Variants in EXT1 observed in about 807,000 individuals in gnomAD.
EXT1 encodes exostosin glycosyltransferase 1, also known as exostosin-1.
In EXT1, 20 loss-of-function variants were observed where a neutral mutation model predicts 82.5. That is an observed-to-expected ratio of 0.24 (90% confidence interval 0.17 to 0.35). EXT1 has a LOEUF of 0.35. EXT1 is among the 10% of genes least tolerant of loss of function. EXT1 has a pLI of 1.00. For synonymous variants in EXT1, 348 were observed against 350.8 expected, an observed-to-expected ratio of 0.99 and a Z score of 0.09; for missense variants, 757 against 936.5, an observed-to-expected ratio of 0.81 and a Z score of 2.50.
In EXT1 at chr8:117,955,746, A is replaced by G. The variant is rs112201466; in HGVS notation, c.963-118545T>C. On this transcript the variant is annotated intron_variant, in intron 1 of 10. Transcript: ENST00000378204. ...AATCTTCGTATTTTTAGTTGAGAGG[A>G]GGTTTTCACCATGTTGGCCAGGCTG... Among the ~76,000 whole-genome samples, 1,164 of 152,184 alleles carry G rather than the reference A, an allele frequency of 7.6e-3. 20 individuals are homozygous for G. The highest frequency in any genetic ancestry group is 0.027 in the African/African-American group (1,113 of 41,496).
chr8:118,036,747 T>C (rs764885061), intron 1 of EXT1, among the ~76,000 whole-genome samples: 11 of 152,164 alleles, frequency 7.2e-5, no homozygotes, highest in Non-Finnish European at 1.0e-4. Context: ...AGGCCCTTCA[T>C]TGTGTGTCTC....
chr8:118,063,311 G>A (rs911764419), intron 1 of EXT1, among the ~76,000 whole-genome samples: 5 of 152,182 alleles, frequency 3.3e-5, no homozygotes, highest in South Asian at 4.1e-4. Flanking sequence ...TCACAAACCC[G>A]TATTTTCCAT....
At chr8:118,034,897 G>T (rs111423356) in intron 1 of EXT1, among the ~76,000 whole-genome samples, 30 of 152,164 alleles carry the variant, frequency 2.0e-4, no homozygotes, top group African/African-American at 5.1e-4. Flanking sequence ...CAGAGATTCA[G>T]TTACCACCAG....
At chr8:118,015,300 G>A (rs1229915287) in intron 1 of EXT1, among the ~76,000 whole-genome samples, 1 of 152,224 alleles carries the variant, frequency 6.6e-6, no homozygotes, top group African/African-American at 2.4e-5. Context: ...AAACTCGAGA[G>A]AGGGGGTAAT....
At chr8:118,097,371 TGGGAGGTAG>T (rs942457144) in intron 1 of EXT1, among the ~76,000 whole-genome samples, 17 of 152,096 alleles carry the variant, frequency 1.1e-4, no homozygotes, top group African/African-American at 4.1e-4. Context: ...TGCTTGAACC[TGGGAGGTAG>T]GGGTTGCAGT....
intron 1 of EXT1, among the ~76,000 whole-genome samples, chr8:118,042,252 G>C (rs550283777): frequency 5.1e-4 from 77 of 152,044 alleles, no homozygotes; most frequent in Admixed American, 3.3e-4. Flanking sequence ...TCAATCAGAG[G>C]GCTTATAAGT....
rs556732321 is a variant in EXT1 at position 117,910,024 on chromosome 8, T to A, written c.963-72823A>T. Reference sequence around the variant, plus strand: ...TTCAAGTGGTCCACCCGTGCCGGCCTCCCAAAGCGTTGGGATTACAGGCAT... The same window carrying A: ...TTCAAGTGGTCCACCCGTGCCGGCCACCCAAAGCGTTGGGATTACAGGCAT... On this transcript the variant is annotated intron_variant, in intron 1 of 10. Coordinates refer to ENST00000378204, the MANE Select transcript of EXT1 (RefSeq NM_000127.3). 2.0e-5 allele frequency among the ~76,000 whole-genome samples: 3 copies of A among 152,310 alleles called. No individual in the cohort carries two copies. In the East Asian group the frequency reaches 5.8e-4, roughly 29 times the overall value.
intron 1 of EXT1, among the ~76,000 whole-genome samples, chr8:118,091,797 ATATG>A (rs199642224): frequency 2.3e-4 from 27 of 117,248 alleles, no homozygotes; most frequent in Non-Finnish European, 4.7e-4. Flanking sequence ...CTCTATATAT[ATATG>A]TATCTTCTAA....
chr8:117,855,332 C>T (rs1812522917), intron 1 of EXT1, among the ~76,000 whole-genome samples: 1 of 152,168 alleles, frequency 6.6e-6, no homozygotes, highest in Non-Finnish European at 1.5e-5. Flanking sequence ...CACCATTTTT[C>T]CAACAACGTG....
intron 1 of EXT1, among the ~76,000 whole-genome samples, chr8:118,080,423 CTT>C (rs796953908): frequency 2.1e-5 from 3 of 145,880 alleles, no homozygotes. Context: ...AAATAACTGC[CTT>C]TTTTTTTTTA....
intron 1 of EXT1, among the ~76,000 whole-genome samples, chr8:118,037,841 T>TG (rs1295680409): frequency 6.8e-6 from 1 of 146,262 alleles, no homozygotes; most frequent in African/African-American, 2.6e-5. Context: ...TTTTTGTTTT[T>TG]TTTTTTTTTT....
Position 118,097,303 on chromosome 8 carries a change from C to T in EXT1, c.962+12782G>A, listed in dbSNP as rs1310029853. Among the ~76,000 whole-genome samples the T allele has an allele frequency of 2.0e-5, 3 of 151,990 alleles. No homozygotes were observed. In the East Asian group the frequency reaches 5.8e-4, roughly 29 times the overall value. ...TTTACTAAAAATACAAAAAATTAGC[C>T]GGGCATGGTGGTACATATCTGTAAT... On this transcript the variant is annotated intron_variant, in intron 1 of 10. Transcript: ENST00000378204.
intron 1 of EXT1, among the ~76,000 whole-genome samples, chr8:117,873,955 T>C (rs1048998760): frequency 3.9e-5 from 6 of 152,192 alleles, no homozygotes; most frequent in African/African-American, 7.2e-5. Context: ...AGACAAGTAA[T>C]GTGGTAAATA....
At chr8:118,068,826 C>T (rs957910230) in intron 1 of EXT1, among the ~76,000 whole-genome samples, 38 of 152,058 alleles carry the variant, frequency 2.5e-4, no homozygotes, top group African/African-American at 8.9e-4. Context: ...AGACAAGAGA[C>T]TTTCCTCAAA....
intron 1 of EXT1, among the ~76,000 whole-genome samples, chr8:118,050,037 A>G (rs1816691928): frequency 6.6e-6 from 1 of 152,200 alleles, no homozygotes; most frequent in South Asian, 2.1e-4. Flanking sequence ...CCAATTCTAT[A>G]TACCCATTCA....
chr8:118,002,564 C>A (rs1314784072), intron 1 of EXT1, among the ~76,000 whole-genome samples: 1 of 119,736 alleles, frequency 8.4e-6, no homozygotes. Context: ...CAGAGTCTTG[C>A]TCTGTCACCC....
At chr8:117,968,763 G>A (rs1474511115) in intron 1 of EXT1, among the ~76,000 whole-genome samples, 2 of 109,488 alleles carry the variant, frequency 1.8e-5, no homozygotes, top group Non-Finnish European at 3.3e-5. Context: ...TAGAGACGGG[G>A]TTTCACCAGG....
At chr8:117,921,687 G>A (rs1313586499) in intron 1 of EXT1, among the ~76,000 whole-genome samples, 1 of 152,202 alleles carries the variant, frequency 6.6e-6, no homozygotes, top group African/African-American at 2.4e-5. Context: ...TAAATCTTGT[G>A]CCTAATACAG....
chr8:118,032,279 A>C (rs1029313011), intron 1 of EXT1, among the ~76,000 whole-genome samples: 14 of 151,682 alleles, frequency 9.2e-5, no homozygotes, highest in African/African-American at 3.4e-4. Context: ...TAGAAATGCA[A>C]ATTATCAGGT....
Sources: gnomAD v4.1 joint callset for allele counts (sites outside exome capture counted in the v4.1 genomes callset) on GRCh38, gnomAD v4.1.1 for gene constraint, MANE v1.5 for transcripts, NCBI Gene and HGNC (gene_info 2026-07-23, HGNC 2026-07-21) for gene names.